Variants in C2CD2 observed in about 807,000 individuals in gnomAD.
The protein encoded by C2CD2 is C2 domain-containing protein 2.
A neutral mutation model predicts 74.3 loss-of-function variants in C2CD2; 43 were observed. The observed-to-expected ratio is 0.58, with a 90% CI of 0.45 to 0.75. The LOEUF (loss-of-function observed/expected upper bound fraction) is 0.75, where lower values mean the gene tolerates loss of function less well. Ranked by LOEUF, C2CD2 falls within the 30% of genes least tolerant of loss-of-function variation. The pLI is 0.00. For missense variants in C2CD2, 801 were observed against 916.3 expected (o/e 0.87, Z 1.63); for synonymous variants, 422 against 390.7 (o/e 1.08, Z -0.94).
In C2CD2 at chr21:41,918,222, C is replaced by T; in HGVS notation, c.603G>A (p.Gln201=). 1 of 1,614,136 alleles carries T rather than the reference C, an allele frequency of 6.2e-7. No homozygotes were observed. The highest frequency in any genetic ancestry group is 1.1e-5 in the South Asian group (1 of 91,074). Residue 201 remains glutamine (Q), a synonymous_variant, in exon 5 of 14, where the codon CAG becomes CAA. Coordinates refer to ENST00000380486, the MANE Select transcript of C2CD2 (RefSeq NM_015500.2). ...NIQPKALGED[Q]VAETSAMSDV... ...CAGACATCGCACTTGTCTCAGCCACCTGGTCCTGGTGAAAGAGGAGAAAGT... is the reference window on the plus strand; with the variant it reads ...CAGACATCGCACTTGTCTCAGCCACTTGGTCCTGGTGAAAGAGGAGAAAGT...
chr21:41,893,889 C>A (rs1175718043), intron 13 of C2CD2, among the ~76,000 whole-genome samples: 1 of 152,040 alleles, frequency 6.6e-6, no homozygotes, highest in Non-Finnish European at 1.5e-5. Flanking sequence ...TTAGTAGAGA[C>A]AGGGTTTCAC....
At chr21:41,916,492 T>C (rs1008710052) in intron 5 of C2CD2, among the ~76,000 whole-genome samples, 43 of 152,098 alleles carry the variant, frequency 2.8e-4, no homozygotes, top group African/African-American at 9.7e-4. Context: ...AAACAGTGAC[T>C]CTTCATGGGT....
chr21:41,909,857 ATTAAT>A (rs2065006203), intron 7 of C2CD2, among the ~76,000 whole-genome samples: 1 of 152,078 alleles, frequency 6.6e-6, no homozygotes, highest in African/African-American at 2.4e-5. Flanking sequence ...AAAAATTTCC[ATTAAT>A]TTAATTTAAA....
intron 13 of C2CD2, among the ~76,000 whole-genome samples, chr21:41,897,805 T>C (rs218367): frequency 0.27 from 40,480 of 152,076 alleles, 6,098 homozygotes; most frequent in Middle Eastern, 0.42. Context: ...GTCCAGCCCA[T>C]GGCAGGCTGT....
At position 41,887,119 on chromosome 21, in the gene C2CD2, C is replaced by A. The variant is rs1361498679; in HGVS notation, c.*2005G>T. ...TGACACATAATATCCTCTTGGAATT[C>A]TTAAATATGTCTCAGCCTCTTTTTA... On this transcript the variant is annotated 3_prime_UTR_variant, in exon 14 of 14. Coordinates refer to ENST00000380486, the MANE Select transcript of C2CD2 (RefSeq NM_015500.2). The A allele has an allele frequency of 6.6e-6, 1 of 152,192 alleles. No homozygotes were observed. The highest frequency in any genetic ancestry group is 1.5e-5 in the Non-Finnish European group (1 of 68,042). The allele number at this position is 152,192 out of a possible 1,614,324, so 9.4% of individuals were successfully genotyped here. A position where few individuals can be genotyped will look rare whatever the true frequency, so the allele number is the denominator to read the frequency against.
chr21:41,912,897 C>G (rs1000817754), intron 6 of C2CD2, among the ~76,000 whole-genome samples: 1 of 152,224 alleles, frequency 6.6e-6, no homozygotes, highest in Admixed American at 6.5e-5. Flanking sequence ...GGAATTCTTG[C>G]ATCTGCCATT....
chr21:41,942,113 C>A, intron 2 of C2CD2, 34 bp downstream of exon 2: 1 of 1,546,866 alleles, frequency 6.5e-7, no homozygotes, highest in East Asian at 2.4e-5. Flanking sequence ...ATCAAGTTCA[C>A]CTCTTCCTGC....
chr21:41,937,173 A>C (rs2065315963), intron 2 of C2CD2, among the ~76,000 whole-genome samples: 1 of 151,040 alleles, frequency 6.6e-6, no homozygotes, highest in African/African-American at 2.4e-5. Flanking sequence ...GCTAGAGTGC[A>C]GTGGCTTGAT....
rs1414487741 is a variant in C2CD2 at position 41,923,147 on chromosome 21, T to TA, written c.379-1063dup. ...AGTGGCTGGGTTTACAGGCGTGTGC[T>TA]ACTACTCCCGGCTAATTTTTTGTGT... On this transcript the variant is annotated intron_variant, in intron 2 of 13. Transcript: ENST00000380486. The surrounding 1 kb of genome is among the most constrained non-coding windows in gnomAD (Gnocchi z 5.8). Among the ~76,000 whole-genome samples, 1 of 152,080 alleles carries TA rather than the reference T, an allele frequency of 6.6e-6. No homozygotes were observed. The highest frequency in any genetic ancestry group is 2.4e-5 in the African/African-American group (1 of 41,412).
In C2CD2 at chr21:41,929,302, C is replaced by T. The variant is rs970858395; in HGVS notation, c.379-7217G>A. Reference sequence around the variant, plus strand: ...CTGTACAGTGGGATGATGCTTCTGACACAGGAGCATGGTGAGCTCTCATGA... The same window carrying T: ...CTGTACAGTGGGATGATGCTTCTGATACAGGAGCATGGTGAGCTCTCATGA... On this transcript the variant is annotated intron_variant, in intron 2 of 13. Transcript: ENST00000380486. This position sits in a 1 kb window ranked among gnomAD's most constrained non-coding sequence, Gnocchi z 4.6. Among the ~76,000 whole-genome samples, 4 of 152,156 alleles carry T rather than the reference C, an allele frequency of 2.6e-5. No individual in the cohort carries two copies. The highest frequency in any genetic ancestry group is 5.9e-5 in the Non-Finnish European group (4 of 68,026).
intron 2 of C2CD2, among the ~76,000 whole-genome samples, chr21:41,932,343 C>T (rs1432780048): frequency 6.7e-6 from 1 of 150,206 alleles, no homozygotes; most frequent in African/African-American, 2.4e-5. Flanking sequence ...TCACAATAAA[C>T]TAGTAATAGT....
rs528559080 is a variant in C2CD2 at position 41,891,899 on chromosome 21, G to T, written c.1871-2555C>A. 2.6e-5 allele frequency among the ~76,000 whole-genome samples: 4 copies of T among 152,232 alleles called. No individual in the cohort carries two copies. The South Asian group carries it at 8.3e-4, about 32-fold the overall frequency. ...CACCTCCAAAGTCCATTTCATAGGC[G>T]TCCCTGCACTGAAGCTGGCCTGGCG... On this transcript the variant is annotated intron_variant, in intron 13 of 13. Coordinates refer to ENST00000380486, the MANE Select transcript of C2CD2 (RefSeq NM_015500.2).
In C2CD2 at chr21:41,892,902, G is replaced by A. The variant is rs887386261; in HGVS notation, c.1871-3558C>T. On this transcript the variant is annotated intron_variant, in intron 13 of 13. Coordinates refer to ENST00000380486, the MANE Select transcript of C2CD2 (RefSeq NM_015500.2). This position sits in a 1 kb window ranked among gnomAD's most constrained non-coding sequence, Gnocchi z 4.6. The stretch of plus-strand genomic sequence containing the variant: ...CAGGGCTGTGTGGGTAGAAGCTGAC[G>A]CAGCCCACCCGCAGGGCCCGGTGCC... 3.3e-5 allele frequency among the ~76,000 whole-genome samples: 5 copies of A among 152,248 alleles called. No homozygotes were observed. The highest frequency in any genetic ancestry group is 2.1e-4 in the South Asian group (1 of 4,830).
rs536091622 is a variant in C2CD2, at chr21:41,914,525, C to T, written c.844+73G>A. ...AGGATGCCACCAGAGAATCCAAGGC[C>T]CCCCGGAGCCCCCGACTCTGCTCAG... On this transcript the variant is annotated intron_variant, in intron 6 of 13. Coordinates refer to ENST00000380486, the MANE Select transcript of C2CD2 (RefSeq NM_015500.2). 67 of 1,397,602 alleles carry T rather than the reference C, an allele frequency of 4.8e-5. 2 individuals are homozygous for T. In the South Asian group the frequency reaches 8.5e-4, roughly 18 times the overall value. The allele number at this position is 1,397,602 out of a possible 1,614,324, so 86.6% of individuals were successfully genotyped here.
At chr21:41,921,830 G>C (rs1255174256) in intron 3 of C2CD2, 142 bp downstream of exon 3, 8 of 619,842 alleles carry the variant, frequency 1.3e-5, no homozygotes, top group Non-Finnish European at 1.8e-5. Context: ...CTATATGAAA[G>C]GTTACAGTTT....
Position 41,929,601 on chromosome 21 carries a change from G to T in C2CD2, c.379-7516C>A, listed in dbSNP as rs1053505334. Among the ~76,000 whole-genome samples the T allele has an allele frequency of 6.6e-6, 1 of 152,200 alleles. No individual in the cohort carries two copies. The highest frequency in any genetic ancestry group is 2.4e-5 in the African/African-American group (1 of 41,454). On this transcript the variant is annotated intron_variant, in intron 2 of 13. Transcript: ENST00000380486. The surrounding 1 kb of genome is among the most constrained non-coding windows in gnomAD (Gnocchi z 4.6). ...TTATAACTTTTATTTAAAACTTTCA[G>T]TTCCAGCTGATGGTTATACCATTGG... is the stretch of plus-strand genomic sequence containing the variant.
At chr21:41,952,614 G>A (rs752277387) in intron 1 of C2CD2, among the ~76,000 whole-genome samples, 2 of 152,230 alleles carry the variant, frequency 1.3e-5, no homozygotes, top group Admixed American at 6.5e-5. Flanking sequence ...ATAAGTCAAC[G>A]AGTAATCAGC....
chr21:41,915,332 C>T (rs1213805760), intron 5 of C2CD2, among the ~76,000 whole-genome samples: 3 of 152,222 alleles, frequency 2.0e-5, no homozygotes, highest in East Asian at 3.8e-4. Context: ...CATCCTCCAA[C>T]AGACACCAGG....
At chr21:41,952,081 G>T (rs1273659221) in intron 1 of C2CD2, among the ~76,000 whole-genome samples, 1 of 152,186 alleles carries the variant, frequency 6.6e-6, no homozygotes, top group Admixed American at 6.5e-5. Flanking sequence ...GCCAACAGGG[G>T]TGGAGGGCTC....
Sources: allele counts gnomAD v4.1 joint callset (sites outside exome capture counted in the v4.1 genomes callset), GRCh38; gene constraint gnomAD v4.1.1; non-coding constraint Gnocchi (gnomAD v3.1); transcripts MANE v1.5; gene names NCBI Gene and HGNC (gene_info 2026-07-23, HGNC 2026-07-21).